Variants in ROBO1 observed in about 807,000 individuals in gnomAD.
ROBO1 encodes the protein roundabout guidance receptor 1.
In ROBO1, 149 loss-of-function variants were observed where a neutral mutation model predicts 195.9. That is an observed-to-expected ratio of 0.76 (90% CI 0.67 to 0.87). ROBO1 has a LOEUF of 0.87. Among genes scored for constraint, ROBO1 ranks in the 40% least tolerant of loss-of-function variants. The probability of loss-of-function intolerance (pLI) is 0.00; values close to 1 mark genes in which losing one functional copy is unlikely to be tolerated. For synonymous variants in ROBO1, 816 were observed against 733.2 expected (o/e 1.11, Z -1.82); for missense variants, 1,933 against 2,068.3 (o/e 0.93, Z 1.27).
intron 2 of ROBO1, among the ~76,000 whole-genome samples, chr3:79,381,373 A>AAGAAAAGAAAAG (rs1553730431): frequency 8.7e-5 from 10 of 115,444 alleles, no homozygotes; most frequent in African/African-American, 3.3e-4. Context: ...AAAAAAAAAA[A>AAGAAAAGAAAAG]AAAAGAAAAG....
At chr3:78,859,943 G>A (rs2034691572) in intron 4 of ROBO1, among the ~76,000 whole-genome samples, 1 of 152,150 alleles carries the variant, frequency 6.6e-6, no homozygotes, top group South Asian at 2.1e-4. Flanking sequence ...GCCGGGCGTG[G>A]TGGCGGACGC....
intron 2 of ROBO1, among the ~76,000 whole-genome samples, chr3:79,534,430 A>C (rs1941778205): frequency 6.6e-6 from 1 of 151,890 alleles, no homozygotes; most frequent in Admixed American, 6.6e-5. Flanking sequence ...TCTGGTTATT[A>C]GTTTCATGGT....
intron 2 of ROBO1, among the ~76,000 whole-genome samples, chr3:79,537,343 T>G (rs1941910780): frequency 6.6e-6 from 1 of 152,108 alleles, no homozygotes. Context: ...TATGAGGGCA[T>G]GGGAACGTGC....
At chr3:78,980,355 G>A (rs1271068915) in intron 3 of ROBO1, among the ~76,000 whole-genome samples, 1 of 152,076 alleles carries the variant, frequency 6.6e-6, no homozygotes. Context: ...TTTCATCTGT[G>A]TTTGGCATAA....
At chr3:78,779,464 C>T (rs1205771965) in intron 4 of ROBO1, among the ~76,000 whole-genome samples, 2 of 152,146 alleles carry the variant, frequency 1.3e-5, no homozygotes, top group Non-Finnish European at 2.9e-5. Flanking sequence ...ACAGACACTT[C>T]TCAAAAGAAG....
At chr3:78,887,820 A>G (rs2107332983) in intron 4 of ROBO1, among the ~76,000 whole-genome samples, 1 of 152,202 alleles carries the variant, frequency 6.6e-6, no homozygotes, top group Admixed American at 6.5e-5. Context: ...TCTAAGTCAA[A>G]TCCTAAATAA....
intron 29 of ROBO1, among the ~76,000 whole-genome samples, chr3:78,603,376 C>T (rs370894867): frequency 6.6e-6 from 1 of 152,124 alleles, no homozygotes; most frequent in East Asian, 1.9e-4. Context: ...TGAATTCTCT[C>T]TCTTCTGGAC....
chr3:79,624,539 G>A (rs932873544), intron 1 of ROBO1, among the ~76,000 whole-genome samples: 2 of 151,802 alleles, frequency 1.3e-5, no homozygotes, highest in Non-Finnish European at 2.9e-5. Context: ...AAAAAGCAGG[G>A]ATTACAAGCC....
intron 4 of ROBO1, among the ~76,000 whole-genome samples, chr3:78,898,825 A>G (rs2037415033): frequency 6.6e-6 from 1 of 152,168 alleles, no homozygotes; most frequent in African/African-American, 2.4e-5. Flanking sequence ...GTGTATATAT[A>G]TGTAAAGTGA....
At position 78,730,486 on chromosome 3, in the gene ROBO1, T is replaced by C. The variant is rs139030962; in HGVS notation, c.658-12603A>G. Among the ~76,000 whole-genome samples, 255 of 68,484 alleles carry C rather than the reference T, an allele frequency of 3.7e-3. 21 individuals carry two copies. Among genetic ancestry groups the C allele is most frequent in the African/African-American group, 6.9e-3 (237 of 34,150 alleles). 44.9% of individuals were successfully genotyped at this position (68,484 alleles called of 152,430 possible). A position where few individuals can be genotyped will look rare whatever the true frequency, so the allele number is the denominator to read the frequency against. On this transcript the variant is annotated intron_variant, in intron 5 of 30. Coordinates refer to ENST00000464233, the MANE Select transcript of ROBO1 (RefSeq NM_002941.4). ...ATAAACAGCATTTAATATTACTAATTAAGATTCTACAGAAGAAGAAATATT... is the reference window on the plus strand; with the variant it reads ...ATAAACAGCATTTAATATTACTAATCAAGATTCTACAGAAGAAGAAATATT...
chr3:79,420,830 G>A (rs768514308), intron 2 of ROBO1, among the ~76,000 whole-genome samples: 1 of 152,222 alleles, frequency 6.6e-6, no homozygotes, highest in East Asian at 1.9e-4. Context: ...ATTTCTCAAA[G>A]AACTTAAAAC....
chr3:79,213,125 T>C (rs1357151290), intron 2 of ROBO1, among the ~76,000 whole-genome samples: 1 of 152,044 alleles, frequency 6.6e-6, no homozygotes, highest in Admixed American at 6.5e-5. Flanking sequence ...ATACCTGTAG[T>C]CCCAGCTACA....
intron 2 of ROBO1, among the ~76,000 whole-genome samples, chr3:79,565,684 G>C (rs1943066686): frequency 2.0e-5 from 3 of 152,112 alleles, no homozygotes; most frequent in South Asian, 2.1e-4. Flanking sequence ...GTCCTGAAGG[G>C]CTGACCAATT....
intron 1 of ROBO1, among the ~76,000 whole-genome samples, chr3:79,653,094 T>C (rs1177453019): frequency 6.6e-6 from 1 of 151,840 alleles, no homozygotes; most frequent in Non-Finnish European, 1.5e-5. Flanking sequence ...TTAATAATTT[T>C]GATTAATGAA....
At chr3:79,614,356 T>C (rs1944754645) in intron 1 of ROBO1, among the ~76,000 whole-genome samples, 1 of 152,110 alleles carries the variant, frequency 6.6e-6, no homozygotes, top group Non-Finnish European at 1.5e-5. Flanking sequence ...ATACTGCATT[T>C]ATATATCACC....
intron 4 of ROBO1, among the ~76,000 whole-genome samples, chr3:78,932,736 T>C (rs2039597821): frequency 6.6e-6 from 1 of 152,250 alleles, no homozygotes; most frequent in South Asian, 2.1e-4. Flanking sequence ...GTACATAATG[T>C]GCAGGAAAAA....
At chr3:79,693,221 T>C (rs1041975015) in intron 1 of ROBO1, among the ~76,000 whole-genome samples, 2 of 151,820 alleles carry the variant, frequency 1.3e-5, no homozygotes, top group African/African-American at 2.4e-5. Flanking sequence ...AATGTATAAA[T>C]ACATCAGAGC....
At chr3:79,425,615 G>A (rs1213285552) in intron 2 of ROBO1, among the ~76,000 whole-genome samples, 1 of 151,972 alleles carries the variant, frequency 6.6e-6, no homozygotes, top group South Asian at 2.1e-4. Flanking sequence ...TGTAGATGAA[G>A]TCTACATAAA....
At chr3:78,836,608 GA>G in intron 4 of ROBO1, among the ~76,000 whole-genome samples, 1 of 151,388 alleles carries the variant, frequency 6.6e-6, no homozygotes, top group East Asian at 1.9e-4. Flanking sequence ...ATAATAATAA[GA>G]AGAATAACTT....
Sources: allele counts gnomAD v4.1 joint callset (sites outside exome capture counted in the v4.1 genomes callset), GRCh38; gene constraint gnomAD v4.1.1; transcripts MANE v1.5; gene names NCBI Gene and HGNC (gene_info 2026-07-23, HGNC 2026-07-21).